The following IQGAP3 variants were observed in gnomAD, a reference collection of about 807,000 sequenced individuals.
IQGAP3 encodes IQ motif containing GTPase activating protein 3, also known as ras GTPase-activating-like protein IQGAP3.
In IQGAP3, 165 loss-of-function variants were observed where a neutral mutation model predicts 208.2. The ratio of observed to expected loss-of-function variants is 0.79; its 90% CI spans 0.70 to 0.90. The LOEUF (loss-of-function observed/expected upper bound fraction) is 0.90, where lower values mean the gene tolerates loss of function less well. Among genes scored for constraint, IQGAP3 ranks in the 40% least tolerant of loss-of-function variants. IQGAP3 has a pLI of 0.00. For missense variants in IQGAP3, 1,811 were observed against 2,043.1 expected (o/e 0.89, Z 2.19); for synonymous variants, 703 against 803.6 (o/e 0.87, Z 2.12).
At position 156,563,121 on chromosome 1, in the gene IQGAP3, G is replaced by T; in HGVS notation, c.798+13C>A. On this transcript the variant is annotated intron_variant, in intron 8 of 37. Transcript: ENST00000361170. ...CAACTTTTCGGTCCCTGCAACCCAA[G>T]ACTACTCCTTACATGGTTCCTGGCA... is the stretch of plus-strand genomic sequence containing the variant. The T allele has an allele frequency of 6.4e-7, 1 of 1,572,090 alleles. No individual in the cohort carries two copies.
At chr1:156,567,218 T>C (rs908055020) in intron 2 of IQGAP3, among the ~76,000 whole-genome samples, 2 of 152,204 alleles carry the variant, frequency 1.3e-5, no homozygotes, top group African/African-American at 4.8e-5. Context: ...ACTTCTTTCA[T>C]TCTGGGTTGT....
At chr1:156,541,014 C>A in intron 22 of IQGAP3, 98 bp from the exon 23 acceptor site, 1 of 978,704 alleles carries the variant, frequency 1.0e-6, no homozygotes, top group Non-Finnish European at 1.6e-6. Flanking sequence ...CCCCGTTCTG[C>A]TTGGGATCAG....
chr1:156,569,516 G>T (rs1212273394), intron 1 of IQGAP3, 53 bp from the exon 2 acceptor site: 4 of 597,218 alleles, frequency 6.7e-6, no homozygotes, highest in Non-Finnish European at 1.1e-5. Context: ...AGGTGCCTTA[G>T]CACTGAAGGG....
At position 156,538,812 on chromosome 1, in the gene IQGAP3, C is replaced by T. The variant is rs777945844; in HGVS notation, c.3278G>A (p.Arg1093His). Residue 1093 changes from arginine (R) to histidine (H), a missense_variant, in exon 26 of 38, where the codon CGC (arginine) becomes CAC (histidine). Transcript: ENST00000361170. ...CTCCCTCTGCCCATGTGCTCACCTGCGCTGCCCTGTCTGGGCCTCAGTCTG... is the reference window on the plus strand; with the variant it reads ...CTCCCTCTGCCCATGTGCTCACCTGTGCTGCCCTGTCTGGGCCTCAGTCTG... The part of the protein sequence containing the change: ...INQTEAQTGQ[R>H]SHLPYDVTPE... The T allele has an allele frequency of 3.1e-6, 5 of 1,613,484 alleles. No homozygotes were observed. Among genetic ancestry groups the T allele is most frequent in the African/African-American group, 1.3e-5 (1 of 75,028 alleles).
rs770231888 is a variant in IQGAP3 at position 156,539,140 on chromosome 1, G to A, written c.3057-107C>T. On this transcript the variant is annotated intron_variant, in intron 25 of 37. Transcript: ENST00000361170. ...TCTCAAAGCCTGCCCTGGTGTCCCC[G>A]CTCTTAAGGAATGTCTTGATATCTC... The A allele has an allele frequency of 8.0e-5, 79 of 982,106 alleles. 1 individual carries two copies. The highest frequency in any genetic ancestry group is 6.9e-4 in the Middle Eastern group (3 of 4,358). 60.8% of individuals were successfully genotyped at this position (982,106 alleles called of 1,614,324 possible). A position where few individuals can be genotyped will look rare whatever the true frequency, so the allele number is the denominator to read the frequency against.
At chr1:156,566,615 T>C in intron 2 of IQGAP3, 69 bp from the exon 3 acceptor site, 1 of 1,486,566 alleles carries the variant, frequency 6.7e-7, no homozygotes, top group Non-Finnish European at 9.3e-7. Flanking sequence ...CAACAGGAAC[T>C]TCCCTCTGTC....
chr1:156,526,697 C>G, intron 37 of IQGAP3, 98 bp from the exon 38 acceptor site: 1 of 769,104 alleles, frequency 1.3e-6, no homozygotes, highest in Non-Finnish European at 2.3e-6. Flanking sequence ...CTTCTGCAGT[C>G]ACCAGTGGCA....
intron 26 of IQGAP3, among the ~76,000 whole-genome samples, chr1:156,538,471 T>G (rs1409953016): frequency 6.6e-6 from 1 of 152,202 alleles, no homozygotes; most frequent in African/African-American, 2.4e-5. Context: ...ATTACAGGCG[T>G]GAGCCACTAT....
intron 24 of IQGAP3, 78 bp from the exon 25 acceptor site, chr1:156,539,615 CT>C: frequency 6.8e-7 from 1 of 1,474,120 alleles, no homozygotes. Context: ...AGGCTTTCCC[CT>C]GATGGAAATC....
intron 9 of IQGAP3, among the ~76,000 whole-genome samples, chr1:156,562,386 C>G (rs753870693): frequency 6.6e-6 from 1 of 152,112 alleles, no homozygotes; most frequent in Admixed American, 6.5e-5. Context: ...AGAAGCTTCC[C>G]GGACATGGAC....
intron 22 of IQGAP3, among the ~76,000 whole-genome samples, chr1:156,543,712 C>A (rs1675094406): frequency 6.6e-6 from 1 of 152,224 alleles, no homozygotes; most frequent in South Asian, 2.1e-4. Flanking sequence ...AGATCCTTTT[C>A]TTTCTGCTTT....
At position 156,556,651 on chromosome 1, in the gene IQGAP3, C is replaced by A. The variant is rs1287984907; in HGVS notation, c.1172G>T (p.Arg391Ile). 6.2e-7 allele frequency: 1 copy of A among 1,607,774 alleles called. No homozygotes were observed. Among genetic ancestry groups the A allele is most frequent in the East Asian group, 2.2e-5 (1 of 44,694 alleles). Reference sequence around the variant, plus strand: ...CTCCTTCACAGTGTCAGCCGCCACTCTCCTCCGGATGGCTTTGTTGATCCG... The same window carrying A: ...CTCCTTCACAGTGTCAGCCGCCACTATCCTCCGGATGGCTTTGTTGATCCG... ...VQRINKAIRRRVAADTVKELM... is the reference protein window; with the variant it reads ...VQRINKAIRRIVAADTVKELM... The change falls in exon 12 of 38, where the codon AGA becomes ATA. Residue 391 changes from arginine (R) to isoleucine (I), a missense_variant. Coordinates refer to ENST00000361170, the MANE Select transcript of IQGAP3 (RefSeq NM_178229.5).
At position 156,535,259 on chromosome 1, in the gene IQGAP3, G is replaced by T. The variant is rs2102369156; in HGVS notation, c.3423-12C>A. 1 of 1,593,012 alleles carries T rather than the reference G, an allele frequency of 6.3e-7. No individual in the cohort carries two copies. The highest frequency in any genetic ancestry group is 8.6e-7 in the Non-Finnish European group (1 of 1,163,306). ...ATCGCATCCCATACCTGGGGACAAA[G>T]AAACAGGTGCGCGTGGCTGTGCCTC... On this transcript the variant is annotated splice_polypyrimidine_tract_variant and intron_variant, in intron 27 of 37. Coordinates refer to ENST00000361170, the MANE Select transcript of IQGAP3 (RefSeq NM_178229.5).
chr1:156,551,161 A>G (rs1750299), intron 15 of IQGAP3, among the ~76,000 whole-genome samples: 53,918 of 151,924 alleles, frequency 0.35, 10,338 homozygotes, highest in East Asian at 0.55. Context: ...TATGAGATAC[A>G]CTCTTTACTG....
rs778363628 is a variant in IQGAP3 at position 156,535,158 on chromosome 1, C to T, written c.3507+5G>A. On this transcript the variant is annotated splice_donor_5th_base_variant and intron_variant, in intron 28 of 37. Transcript: ENST00000361170. ...GGGAGGTGGGGGTGGGGAGACAACA[C>T]TTGCCTTATAGACCTCGCTGTCTGT... The T allele has an allele frequency of 3.5e-5, 56 of 1,610,242 alleles. No homozygotes were observed. The highest frequency in any genetic ancestry group is 4.8e-5 in the Non-Finnish European group (56 of 1,176,768).
chr1:156,529,988 C>A (rs1273358184), intron 34 of IQGAP3, 117 bp downstream of exon 34: 5 of 713,086 alleles, frequency 7.0e-6, no homozygotes, highest in South Asian at 3.9e-5. Flanking sequence ...TGGCTGGTGA[C>A]AATTTTGGGT....
intron 16 of IQGAP3, among the ~76,000 whole-genome samples, chr1:156,549,488 G>GA (rs1362300059): frequency 9.4e-5 from 13 of 138,376 alleles, no homozygotes; most frequent in Admixed American, 2.9e-4. Context: ...AAAAAAAAAA[G>GA]AAAAAAAAAA....
intron 13 of IQGAP3, among the ~76,000 whole-genome samples, chr1:156,553,580 CTTTTTTTT>C (rs11316423): frequency 5.7e-5 from 5 of 88,042 alleles, no homozygotes; most frequent in African/African-American, 1.8e-4. Context: ...TTCTTTCTTT[CTTTTTTTT>C]TTTTTTTTTT....
intron 14 of IQGAP3, 51 bp downstream of exon 14, chr1:156,551,923 A>T (rs1229371484): frequency 2.5e-5 from 40 of 1,603,310 alleles, no homozygotes; most frequent in Non-Finnish European, 3.3e-5. Context: ...TGGCTAAGGG[A>T]CAGGACTGCC....
Sources: gnomAD v4.1 joint callset for allele counts (sites outside exome capture counted in the v4.1 genomes callset) on GRCh38, gnomAD v4.1.1 for gene constraint, MANE v1.5 for transcripts, NCBI Gene and HGNC (gene_info 2026-07-23, HGNC 2026-07-21) for gene names.